The following PPARGC1A variants were observed in gnomAD, a reference collection of about 807,000 sequenced individuals.
PPARGC1A encodes the protein peroxisome proliferator-activated receptor gamma coactivator 1-alpha.
A neutral mutation model predicts 88.7 loss-of-function variants in PPARGC1A; 25 were observed. The observed-to-expected ratio is 0.28, with a 90% CI of 0.21 to 0.39. The LOEUF (loss-of-function observed/expected upper bound fraction) is 0.39. PPARGC1A is among the 10% of genes least tolerant of loss of function. PPARGC1A has a pLI of 1.00. For missense variants in PPARGC1A, 880 were observed against 968.7 expected (o/e 0.91, Z 1.22); for synonymous variants, 363 against 355.6 (o/e 1.02, Z -0.24).
upstream of PPARGC1A, among the ~76,000 whole-genome samples, chr4:23,905,141 C>G (rs1439209725): frequency 2.0e-5 from 3 of 152,162 alleles, no homozygotes; most frequent in Non-Finnish European, 4.4e-5. Context: ...AGAGCAGCTT[C>G]CCATTTTGAA....
chr4:24,114,089 A>C, the PPARGC1A span, among the ~76,000 whole-genome samples: 1 of 140,988 alleles, frequency 7.1e-6, no homozygotes, highest in Admixed American at 8.3e-5. Context: ...GTGCCACTGC[A>C]CTCCAGCCTG....
the PPARGC1A span, among the ~76,000 whole-genome samples, chr4:24,455,874 C>CT: frequency 7.2e-5 from 11 of 152,348 alleles, no homozygotes; most frequent in Admixed American, 7.2e-4. Context: ...AAATAAATCT[C>CT]TGTTTTTTAT....
At chr4:24,043,379 C>T in the PPARGC1A span, among the ~76,000 whole-genome samples, 2 of 152,190 alleles carry the variant, frequency 1.3e-5, no homozygotes, top group African/African-American at 2.4e-5. Flanking sequence ...ATTGTTTGAA[C>T]TCTACAGCCT....
chr4:24,325,123 C>G, the PPARGC1A span, among the ~76,000 whole-genome samples: 1 of 152,186 alleles, frequency 6.6e-6, no homozygotes, highest in Non-Finnish European at 1.5e-5. Flanking sequence ...CGTTTAGGCT[C>G]TTTTTCATCA....
the PPARGC1A span, among the ~76,000 whole-genome samples, chr4:24,457,752 A>G: frequency 2.0e-5 from 3 of 151,864 alleles, no homozygotes; most frequent in African/African-American, 7.3e-5. Context: ...TTTAGTAGAG[A>G]TGGGGTTTAA....
At chr4:24,002,689 A>T in the PPARGC1A span, among the ~76,000 whole-genome samples, 1 of 152,002 alleles carries the variant, frequency 6.6e-6, no homozygotes, top group African/African-American at 2.4e-5. Flanking sequence ...ACTAGACACA[A>T]TATTGACTTG....
chr4:23,826,170 T>A (rs57451895), intron 5 of PPARGC1A, among the ~76,000 whole-genome samples: 4,381 of 152,170 alleles, frequency 0.029, 220 homozygotes, highest in African/African-American at 0.1. Context: ...TCATAGTTAA[T>A]GAGACCAAAG....
chr4:23,806,531 G>A (rs1001795648), intron 10 of PPARGC1A, among the ~76,000 whole-genome samples: 1 of 152,142 alleles, frequency 6.6e-6, no homozygotes, highest in African/African-American at 2.4e-5. Context: ...ACAGCTCCTC[G>A]AAAAATGATT....
the PPARGC1A span, among the ~76,000 whole-genome samples, chr4:24,196,424 A>G: frequency 6.6e-6 from 1 of 152,366 alleles, no homozygotes; most frequent in South Asian, 2.1e-4. Flanking sequence ...TCAGCTAAAG[A>G]GATCTAGCAT....
At chr4:23,990,596 C>A in the PPARGC1A span, among the ~76,000 whole-genome samples, 1 of 152,048 alleles carries the variant, frequency 6.6e-6, no homozygotes, top group Admixed American at 6.6e-5. Flanking sequence ...TGAGTTCCAG[C>A]TGAGAAGCAT....
the PPARGC1A span, among the ~76,000 whole-genome samples, chr4:24,207,487 T>G: frequency 6.6e-6 from 1 of 152,254 alleles, no homozygotes; most frequent in Non-Finnish European, 1.5e-5. Flanking sequence ...CTTTTTAATG[T>G]AAAGAGGCAG....
the PPARGC1A span, among the ~76,000 whole-genome samples, chr4:24,075,127 C>T: frequency 1.3e-5 from 2 of 152,132 alleles, no homozygotes; most frequent in Admixed American, 6.5e-5. Flanking sequence ...TCTATGAGCC[C>T]GTCTCCACTT....
chr4:23,903,351 G>A (rs560335830), upstream of PPARGC1A, among the ~76,000 whole-genome samples: 13 of 152,284 alleles, frequency 8.5e-5, no homozygotes, highest in Non-Finnish European at 1.8e-4. Flanking sequence ...CCTATTTTGT[G>A]TAATAACCAT....
intron 10 of PPARGC1A, among the ~76,000 whole-genome samples, chr4:23,809,723 T>A (rs1211493196): frequency 6.6e-6 from 1 of 152,232 alleles, no homozygotes; most frequent in African/African-American, 2.4e-5. Flanking sequence ...TTTTTTATAC[T>A]AAGTCTTCTA....
chr4:24,228,716 C>A, the PPARGC1A span, among the ~76,000 whole-genome samples: 5 of 152,190 alleles, frequency 3.3e-5, no homozygotes, highest in East Asian at 1.9e-4. Context: ...AAGCTCCCAA[C>A]AATGAGGATT....
At chr4:24,404,718 A>C in the PPARGC1A span, among the ~76,000 whole-genome samples, 1 of 152,228 alleles carries the variant, frequency 6.6e-6, no homozygotes, top group East Asian at 1.9e-4. Flanking sequence ...ACCTAGATAG[A>C]ATACAGGCTC....
chr4:24,334,726 G>C, the PPARGC1A span, among the ~76,000 whole-genome samples: 2 of 152,160 alleles, frequency 1.3e-5, no homozygotes, highest in Admixed American at 6.5e-5. Context: ...AAGGTGGGGA[G>C]CTGTTTCAAA....
the PPARGC1A span, among the ~76,000 whole-genome samples, chr4:24,293,918 G>C: frequency 1.3e-5 from 2 of 152,110 alleles, no homozygotes; most frequent in African/African-American, 4.8e-5. Context: ...GGCCAAAGCT[G>C]AGGTTATTTT....
At chr4:23,840,078 G>T (rs974623957) in intron 2 of PPARGC1A, among the ~76,000 whole-genome samples, 1 of 152,028 alleles carries the variant, frequency 6.6e-6, no homozygotes, top group Non-Finnish European at 1.5e-5. Context: ...TGATCCTGAT[G>T]CAACCTAAGT....
Sources: allele counts gnomAD v4.1 joint callset (sites outside exome capture counted in the v4.1 genomes callset), GRCh38; gene constraint gnomAD v4.1.1; transcripts MANE v1.5; gene names NCBI Gene and HGNC (gene_info 2026-07-23, HGNC 2026-07-21).